The following PDE1B variants were observed in gnomAD, a reference collection of about 807,000 sequenced individuals.
PDE1B encodes the protein dual specificity calcium/calmodulin-dependent 3',5'-cyclic nucleotide phosphodiesterase 1B.
Under a neutral mutation model 66.7 loss-of-function variants are expected in PDE1B, and 13 were observed. The observed-to-expected ratio is 0.19, with a 90% CI of 0.13 to 0.31. The LOEUF (loss-of-function observed/expected upper bound fraction) is 0.31, where lower values mean the gene tolerates loss of function less well. Ranked by LOEUF, PDE1B falls within the 10% of genes least tolerant of loss-of-function variation. The pLI, the probability that PDE1B is intolerant of heterozygous loss-of-function variation, is 1.00. For synonymous variants in PDE1B, 230 were observed against 253.9 expected (o/e 0.91, Z 0.90); for missense variants, 485 against 682.3 (o/e 0.71, Z 3.22).
In PDE1B at chr12:54,573,832, C is replaced by T. The variant is rs1957665304; in HGVS notation, c.1064+123C>T. 1 of 701,844 alleles carries T rather than the reference C, an allele frequency of 1.4e-6. No homozygotes were observed. Among genetic ancestry groups the T allele is most frequent in the Non-Finnish European group, 2.6e-6 (1 of 389,966 alleles). 43.5% of individuals were successfully genotyped at this position (701,844 alleles called of 1,614,324 possible). On this transcript the variant is annotated intron_variant, in intron 10 of 15. Coordinates refer to ENST00000243052, the MANE Select transcript of PDE1B (RefSeq NM_000924.4). This position sits in a 1 kb window ranked among gnomAD's most constrained non-coding sequence, Gnocchi z 5.2. ...CTCGCTGTAGAGACTCCACTGGCTT[C>T]AGGTATCAGACTGCATCTCTATGTG...
intron 2 of PDE1B, among the ~76,000 whole-genome samples, chr12:54,552,926 T>C (rs1364514870): frequency 2.0e-5 from 3 of 152,250 alleles, no homozygotes; most frequent in African/African-American, 7.2e-5. Flanking sequence ...AATGATTTTC[T>C]GTGTCTTTTG....
In PDE1B at chr12:54,549,710, G is replaced by A; in HGVS notation, c.-76G>A. On this transcript the variant is annotated 5_prime_UTR_variant, in exon 1 of 16. Transcript: ENST00000243052. ...CGGGAGAGGAGGAGCCGCAGGAGCT[G>A]CAGCTCTGCCAGCTTGGGCCGAGCC... 1 of 518,902 alleles carries A rather than the reference G, an allele frequency of 1.9e-6. No individual in the cohort carries two copies. The highest frequency in any genetic ancestry group is 3.4e-6 in the Non-Finnish European group (1 of 293,526). The allele number at this position is 518,902 out of a possible 1,614,324, so 32.1% of individuals were successfully genotyped here.
intron 3 of PDE1B, 185 bp from the exon 4 acceptor site, chr12:54,568,999 A>T: frequency 1.1e-5 from 11 of 983,042 alleles, no homozygotes; most frequent in Non-Finnish European, 1.5e-5. Flanking sequence ...TCACATGGAG[A>T]CCTGTTTCAT....
intron 2 of PDE1B, among the ~76,000 whole-genome samples, chr12:54,550,906 C>T (rs1957268754): frequency 6.6e-6 from 1 of 152,204 alleles, no homozygotes; most frequent in African/African-American, 2.4e-5. Flanking sequence ...ACAAGCCATG[C>T]ACCATGTTTA....
chr12:54,565,523 G>C (rs1031016415), intron 2 of PDE1B, among the ~76,000 whole-genome samples: 1 of 152,302 alleles, frequency 6.6e-6, no homozygotes, highest in East Asian at 1.9e-4. Flanking sequence ...GCTGGAGCTG[G>C]GGCTGAGCTT....
Position 54,549,809 on chromosome 12 carries a change from G to C in PDE1B, c.-14+37G>C, listed in dbSNP as rs1174621433. The C allele has an allele frequency of 4.5e-6, 6 of 1,323,794 alleles. No homozygotes were observed. In the Admixed American group the frequency reaches 8.8e-5, roughly 19 times the overall value. 82.0% of individuals were successfully genotyped at this position (1,323,794 alleles called of 1,614,324 possible). ...CTGGGATGGGGGGTGAGGGTCTCTC[G>C]GCTGGGGCTGAAGCTGAGCCGAGGT... On this transcript the variant is annotated intron_variant, in intron 1 of 15. Coordinates refer to ENST00000243052, the MANE Select transcript of PDE1B (RefSeq NM_000924.4).
At chr12:54,571,195 A>C (rs756295404) in intron 6 of PDE1B, 2 of 152,232 alleles carry the variant, frequency 1.3e-5, no homozygotes, top group African/African-American at 2.4e-5. Context: ...CTCTGCCTCC[A>C]CTTCACTAGA....
chr12:54,575,783 G>T lies in PDE1B; in HGVS notation c.1267+151G>T. 1.4e-6 allele frequency: 1 copy of T among 732,864 alleles called. No individual in the cohort carries two copies. The highest frequency in any genetic ancestry group is 1.6e-5 in the South Asian group (1 of 62,724). 45.4% of individuals were successfully genotyped at this position (732,864 alleles called of 1,614,324 possible). A position where few individuals can be genotyped will look rare whatever the true frequency, so the allele number is the denominator to read the frequency against. Reference sequence around the variant, plus strand: ...AGAGCATGGGGTCCTGGGTTAGGAGGCCAGGGGGCTGCAATGGCAGGAAGG... The same window carrying T: ...AGAGCATGGGGTCCTGGGTTAGGAGTCCAGGGGGCTGCAATGGCAGGAAGG... On this transcript the variant is annotated intron_variant, in intron 12 of 15. Coordinates refer to ENST00000243052, the MANE Select transcript of PDE1B (RefSeq NM_000924.4). The surrounding 1 kb of genome is among the most constrained non-coding windows in gnomAD (Gnocchi z 4.0).
chr12:54,564,963 C>A (rs1036385932), intron 2 of PDE1B, among the ~76,000 whole-genome samples: 1 of 152,294 alleles, frequency 6.6e-6, no homozygotes, highest in South Asian at 2.1e-4. Flanking sequence ...ATTCCTTCCC[C>A]GCCTCCCTTC....
intron 2 of PDE1B, among the ~76,000 whole-genome samples, chr12:54,552,658 A>G (rs956232602): frequency 6.6e-6 from 1 of 152,236 alleles, no homozygotes; most frequent in Admixed American, 6.5e-5. Context: ...TAAATTCAGA[A>G]TCTAATCTGT....
chr12:54,553,642 T>C (rs1565690706), intron 2 of PDE1B, among the ~76,000 whole-genome samples: 1 of 152,214 alleles, frequency 6.6e-6, no homozygotes, highest in Non-Finnish European at 1.5e-5. Flanking sequence ...CAGTTCTGTC[T>C]CTGGTTCTGT....
At chr12:54,556,723 G>A (rs1272244917) in intron 2 of PDE1B, among the ~76,000 whole-genome samples, 1 of 152,172 alleles carries the variant, frequency 6.6e-6, no homozygotes, top group Non-Finnish European at 1.5e-5. Context: ...GGTGCTGTTG[G>A]AAAGAGCCAG....
chr12:54,562,074 T>C (rs922779298), intron 2 of PDE1B, among the ~76,000 whole-genome samples: 4 of 152,134 alleles, frequency 2.6e-5, no homozygotes, highest in Non-Finnish European at 5.9e-5. Context: ...CCAGACGCAC[T>C]CAAAATCTTC....
intron 2 of PDE1B, among the ~76,000 whole-genome samples, chr12:54,560,395 T>C (rs1957389417): frequency 1.3e-5 from 2 of 152,194 alleles, no homozygotes; most frequent in African/African-American, 4.8e-5. Context: ...CTCAACCCCA[T>C]TAGTTCCTTT....
chr12:54,577,409 G>A (rs376790592), intron 15 of PDE1B, 64 bp downstream of exon 15: 29 of 1,607,788 alleles, frequency 1.8e-5, no homozygotes, highest in African/African-American at 1.7e-4. Context: ...TTGTTGGGTC[G>A]TCTCTGGGCT....
chr12:54,562,916 C>T (rs1306974777), intron 2 of PDE1B, among the ~76,000 whole-genome samples: 2 of 152,172 alleles, frequency 1.3e-5, no homozygotes, highest in Admixed American at 1.3e-4. Context: ...ACAAGAGCTC[C>T]TGGACAAGAT....
In PDE1B at chr12:54,577,903, A is replaced by G. The variant is rs1303495372; in HGVS notation, c.*61A>G. On this transcript the variant is annotated 3_prime_UTR_variant, in exon 16 of 16. Coordinates refer to ENST00000243052, the MANE Select transcript of PDE1B (RefSeq NM_000924.4). ...GTGTTTGATGTCATCAGCACCATCC[A>G]TCAGGACTGGCTCCCCCATCTGCTC... 4 of 186,592 alleles carry G rather than the reference A, an allele frequency of 2.1e-5. No individual in the cohort carries two copies. The highest frequency in any genetic ancestry group is 3.3e-5 in the Non-Finnish European group (3 of 91,182). The allele number at this position is 186,592 out of a possible 1,614,324, so 11.6% of individuals were successfully genotyped here.
At chr12:54,572,528 T>C in intron 6 of PDE1B, 73 bp from the exon 7 acceptor site, 1 of 1,423,954 alleles carries the variant, frequency 7.0e-7, no homozygotes, top group Non-Finnish European at 9.9e-7. Flanking sequence ...AAGAAAGTTG[T>C]TGATCTCGGT....
At position 54,573,125 on chromosome 12, in the gene PDE1B, A is replaced by G; in HGVS notation, c.736-23A>G. ...GACCAGCAGGCGTCACCCCTCTCTCATTCTTTCTCTTTCCTCCTGTAGCAC... is the reference window on the plus strand; with the variant it reads ...GACCAGCAGGCGTCACCCCTCTCTCGTTCTTTCTCTTTCCTCCTGTAGCAC... On this transcript the variant is annotated intron_variant, in intron 7 of 15. Transcript: ENST00000243052. This position sits in a 1 kb window ranked among gnomAD's most constrained non-coding sequence, Gnocchi z 5.2. 6.3e-7 allele frequency: 1 copy of G among 1,581,976 alleles called. No homozygotes were observed. Among genetic ancestry groups the G allele is most frequent in the Non-Finnish European group, 8.7e-7 (1 of 1,150,804 alleles).
Sources: gnomAD v4.1 joint callset for allele counts (sites outside exome capture counted in the v4.1 genomes callset) on GRCh38, gnomAD v4.1.1 for gene constraint, Gnocchi (gnomAD v3.1) non-coding constraint, MANE v1.5 for transcripts, NCBI Gene and HGNC (gene_info 2026-07-23, HGNC 2026-07-21) for gene names.